Variants in GABRA3 observed in about 807,000 individuals in gnomAD.
GABRA3 encodes the protein gamma-aminobutyric acid type A receptor subunit alpha3.
GABRA3 carries 10 observed loss-of-function variants against 30.1 expected under a neutral mutation model. That is an observed-to-expected ratio of 0.33 (90% CI 0.20 to 0.56). The LOEUF (loss-of-function observed/expected upper bound fraction) is 0.56. Ranked by LOEUF, GABRA3 falls within the 20% of genes least tolerant of loss-of-function variation. GABRA3 has a pLI of 0.89. For synonymous variants in GABRA3, 151 were observed against 146.8 expected, an observed-to-expected ratio of 1.03 and a Z score of -0.21; for missense variants, 233 against 392.0, an observed-to-expected ratio of 0.59 and a Z score of 3.42.
intron 3 of GABRA3, among the ~76,000 whole-genome samples, chrX:152,307,309 T>C (rs751282888): frequency 3.6e-5 from 4 of 111,970 alleles, no homozygotes; most frequent in Non-Finnish European, 7.5e-5. Flanking sequence ...TAAATGCTAG[T>C]TATCACCAGT....
At chrX:152,186,601 CTCTCTCTCTCTCTCT>C (rs1179592632) in intron 9 of GABRA3, among the ~76,000 whole-genome samples, 2 of 103,944 alleles carry the variant, frequency 1.9e-5, no homozygotes, top group East Asian at 6.1e-4. Flanking sequence ...CTTCCTTTAT[CTCTCTCTCTCTCTCT>C]TCTCTCTCTC....
chrX:152,396,277 C>T (rs752152884), intron 1 of GABRA3, among the ~76,000 whole-genome samples: 2 of 111,838 alleles, frequency 1.8e-5, no homozygotes, highest in South Asian at 3.8e-4. Flanking sequence ...TTGCTAGGCT[C>T]GAGAGAGAGC....
chrX:152,229,259 A>G (rs1938021895), intron 5 of GABRA3, among the ~76,000 whole-genome samples: 1 of 111,362 alleles, frequency 9.0e-6, no homozygotes. Flanking sequence ...GTCGCAATAC[A>G]GGGGTTGGCC....
chrX:152,359,330 C>A (rs1228693087), intron 2 of GABRA3, among the ~76,000 whole-genome samples: 1 of 110,470 alleles, frequency 9.1e-6, no homozygotes, highest in Non-Finnish European at 1.9e-5. Flanking sequence ...TCTAGGTTTT[C>A]TAGTTTGTAT....
chrX:152,297,787 T>C (rs1043693845), intron 3 of GABRA3, among the ~76,000 whole-genome samples: 2 of 112,442 alleles, frequency 1.8e-5, no homozygotes, highest in African/African-American at 6.5e-5. Context: ...GAAAGAAATG[T>C]CAGTAACAAG....
In GABRA3 at chrX:152,313,827, T is replaced by TG. The variant is rs1245368361; in HGVS notation, c.263-29093dup. ...GTCTTTATGGTGTTTGTGCTAAAGT[T>TG]GGGGGGATGAAGAGAGGTGTCTTTC... is the stretch of plus-strand genomic sequence containing the variant. On this transcript the variant is annotated intron_variant, in intron 3 of 9. Transcript: ENST00000370314. Among the ~76,000 whole-genome samples, 9 of 111,355 alleles carry TG rather than the reference T, an allele frequency of 8.1e-5. No individual in the cohort carries two copies. The South Asian group carries it at 1.5e-3, about 19-fold the overall frequency.
At chrX:152,245,003 T>G (rs892011643) in intron 5 of GABRA3, among the ~76,000 whole-genome samples, 1 of 111,198 alleles carries the variant, frequency 9.0e-6, no homozygotes, top group South Asian at 3.8e-4. Flanking sequence ...GAAAAAAGGT[T>G]CCCACACTAA....
chrX:152,418,110 T>G (rs754630651), intron 1 of GABRA3, among the ~76,000 whole-genome samples: 1 of 111,307 alleles, frequency 9.0e-6, no homozygotes, highest in East Asian at 2.8e-4. Context: ...CAGGATGTAA[T>G]AACTGTAACT....
rs548837228 is a variant in GABRA3, at chrX:152,386,309, G to A, written c.-26-21713C>T. Among the ~76,000 whole-genome samples, 749 of 109,817 alleles carry A rather than the reference G, an allele frequency of 6.8e-3. 10 individuals are homozygous for A. The highest frequency in any genetic ancestry group is 0.022 in the African/African-American group (673 of 30,074). On this transcript the variant is annotated intron_variant, in intron 1 of 9. Transcript: ENST00000370314. The stretch of plus-strand genomic sequence containing the variant: ...AGTTCTCCTTGAAGAGGTCCTTCAC[G>A]TCCCTTGTAAGTTGGATTCCTAGGT...
intron 5 of GABRA3, among the ~76,000 whole-genome samples, chrX:152,228,691 C>A (rs1425807055): frequency 1.8e-5 from 2 of 111,561 alleles, no homozygotes; most frequent in East Asian, 2.8e-4. Flanking sequence ...CCCTTTTATG[C>A]CTTAAGAATA....
intron 9 of GABRA3, among the ~76,000 whole-genome samples, chrX:152,175,524 T>C (rs887279785): frequency 1.8e-5 from 2 of 111,071 alleles, no homozygotes; most frequent in African/African-American, 6.6e-5. Context: ...GTAATAAACA[T>C]AGAAGCAAAA....
intron 8 of GABRA3, 113 bp from the exon 9 acceptor site, chrX:152,190,054 C>T (rs1937302889): frequency 8.0e-6 from 4 of 499,920 alleles, no homozygotes; most frequent in Non-Finnish European, 1.3e-5. Context: ...TCAAAATGGC[C>T]CTTTTAAAAT....
At chrX:152,364,668 G>T in intron 1 of GABRA3, 72 bp from the exon 2 acceptor site, 1 of 768,618 alleles carries the variant, frequency 1.3e-6, no homozygotes, top group Non-Finnish European at 1.8e-6. Flanking sequence ...GGAGAAAGAG[G>T]TAAAAAAGAG....
chrX:152,305,994 T>A (rs1388944146), intron 3 of GABRA3, among the ~76,000 whole-genome samples: 1 of 111,953 alleles, frequency 8.9e-6, no homozygotes, highest in African/African-American at 3.2e-5. Context: ...TCATACCACA[T>A]ATAAATATTA....
intron 3 of GABRA3, among the ~76,000 whole-genome samples, chrX:152,297,699 C>G (rs1939555409): frequency 8.9e-6 from 1 of 112,076 alleles, no homozygotes; most frequent in African/African-American, 3.2e-5. Flanking sequence ...TGAAGAGTTT[C>G]AGCACAGAGA....
intron 3 of GABRA3, among the ~76,000 whole-genome samples, chrX:152,311,279 C>T (rs1939795046): frequency 9.0e-6 from 1 of 111,373 alleles, no homozygotes; most frequent in South Asian, 3.8e-4. Context: ...AGCCAATATC[C>T]CTGATAAACA....
chrX:152,393,373 A>G, intron 1 of GABRA3: 1 of 333,517 alleles, frequency 3.0e-6, no homozygotes, highest in Non-Finnish European at 5.8e-6. Flanking sequence ...AATATGAGTA[A>G]ATACTAAACT....
intron 1 of GABRA3, among the ~76,000 whole-genome samples, chrX:152,398,628 T>C (rs1412565139): frequency 8.9e-6 from 1 of 112,373 alleles, no homozygotes; most frequent in Non-Finnish European, 1.9e-5. Flanking sequence ...TACAGAAGTT[T>C]TGAAACAATT....
intron 1 of GABRA3, among the ~76,000 whole-genome samples, chrX:152,445,130 C>G (rs1931056433): frequency 9.3e-6 from 1 of 107,029 alleles, no homozygotes; most frequent in South Asian, 4.1e-4. Context: ...GAGAAAAGTA[C>G]CCTTCAAAAT....
Sources: gnomAD v4.1 joint callset for allele counts (sites outside exome capture counted in the v4.1 genomes callset) on GRCh38, gnomAD v4.1.1 for gene constraint, MANE v1.5 for transcripts, NCBI Gene and HGNC (gene_info 2026-07-23, HGNC 2026-07-21) for gene names.